UGT1A8: variants seen among roughly 807,000 people sequenced by gnomAD.
The protein encoded by UGT1A8 is UDP-glucuronosyltransferase 1A8.
UGT1A8 carries 39 observed loss-of-function variants against 45.3 expected under a neutral mutation model. That is an observed-to-expected ratio of 0.86 (90% confidence interval 0.67 to 1.12). The LOEUF (loss-of-function observed/expected upper bound fraction) is 1.12. UGT1A8 is among the 50% of genes most tolerant of loss of function. The pLI is 0.00. For synonymous variants in UGT1A8, 275 were observed against 249.2 expected, an observed-to-expected ratio of 1.10 and a Z score of -0.97; for missense variants, 719 against 664.9, an observed-to-expected ratio of 1.08 and a Z score of -0.90.
chr2:233,652,028 G>C (rs933150824), intron 1 of UGT1A8, among the ~76,000 whole-genome samples: 6 of 152,094 alleles, frequency 3.9e-5, no homozygotes, highest in African/African-American at 1.4e-4. Flanking sequence ...GGCTTTTTTA[G>C]TTTTTGGTGA....
intron 1 of UGT1A8, among the ~76,000 whole-genome samples, chr2:233,744,652 A>G (rs754395729): frequency 1.6e-4 from 24 of 151,892 alleles, no homozygotes; most frequent in Non-Finnish European, 2.8e-4. Flanking sequence ...TCTGTATTCA[A>G]TCTACTGTGA....
intron 1 of UGT1A8, among the ~76,000 whole-genome samples, chr2:233,627,441 T>A (rs1200916863): frequency 6.6e-6 from 1 of 152,090 alleles, no homozygotes; most frequent in Non-Finnish European, 1.5e-5. Context: ...ATATAATGAC[T>A]TTGCATTTTC....
intron 1 of UGT1A8, chr2:233,693,807 T>C (rs1404347654): frequency 6.2e-7 from 1 of 1,614,252 alleles, no homozygotes; most frequent in African/African-American, 1.3e-5. Flanking sequence ...AGGCCGGTCA[T>C]GCCCAACATG....
At chr2:233,703,396 A>T (rs890785846) in intron 1 of UGT1A8, among the ~76,000 whole-genome samples, 1 of 151,974 alleles carries the variant, frequency 6.6e-6, no homozygotes, top group African/African-American at 2.4e-5. Context: ...TCAAATAAAC[A>T]ATTTTGGTTT....
At chr2:233,703,805 ATCTCTG>A in intron 1 of UGT1A8, among the ~76,000 whole-genome samples, 1 of 137,048 alleles carries the variant, frequency 7.3e-6, no homozygotes, top group East Asian at 1.9e-4. Context: ...CAGTCTGATA[ATCTCTG>A]TCTTTTAATT....
chr2:233,630,350 A>G (rs2073164786), intron 1 of UGT1A8, among the ~76,000 whole-genome samples: 1 of 152,160 alleles, frequency 6.6e-6, no homozygotes, highest in South Asian at 2.1e-4. Flanking sequence ...GGTTGTCTGC[A>G]GAATCTCTCA....
At chr2:233,640,300 A>G (rs2073417144) in intron 1 of UGT1A8, among the ~76,000 whole-genome samples, 1 of 152,004 alleles carries the variant, frequency 6.6e-6, no homozygotes, top group African/African-American at 2.4e-5. Context: ...TAATTCATCT[A>G]TCCCCTTATT....
chr2:233,713,287 C>G (rs28946880), intron 1 of UGT1A8: 2 of 1,614,230 alleles, frequency 1.2e-6, no homozygotes, highest in Non-Finnish European at 1.7e-6. Flanking sequence ...CACACTCAAT[C>G]GTTCTTTGAA....
At chr2:233,683,169 C>T (rs749915712) in intron 1 of UGT1A8, among the ~76,000 whole-genome samples, 7 of 151,982 alleles carry the variant, frequency 4.6e-5, no homozygotes, top group South Asian at 2.1e-4. Context: ...TGAAATTATA[C>T]TATGTATATG....
At chr2:233,641,479 TTTAG>T (rs2073450587) in intron 1 of UGT1A8, among the ~76,000 whole-genome samples, 1 of 152,200 alleles carries the variant, frequency 6.6e-6, no homozygotes, top group Non-Finnish European at 1.5e-5. Flanking sequence ...TAAAAAGTTG[TTTAG>T]TTATTATTTT....
chr2:233,647,236 C>T (rs191887176), intron 1 of UGT1A8, among the ~76,000 whole-genome samples: 5 of 152,296 alleles, frequency 3.3e-5, no homozygotes, highest in Admixed American at 3.3e-4. Context: ...AGTTCCAATT[C>T]AAGATGAGCT....
intron 1 of UGT1A8, chr2:233,718,874 C>A: frequency 6.2e-7 from 1 of 1,613,892 alleles, no homozygotes; most frequent in Non-Finnish European, 8.5e-7. Flanking sequence ...GACTGCTGCT[C>A]CTCCTCAGTG....
intron 1 of UGT1A8, among the ~76,000 whole-genome samples, chr2:233,761,373 T>G (rs1041958865): frequency 6.6e-6 from 1 of 152,254 alleles, no homozygotes; most frequent in Middle Eastern, 3.2e-3. Context: ...TTGGACATTT[T>G]ACTCTGTGTG....
At chr2:233,721,815 AC>A in intron 1 of UGT1A8, 1 of 515,300 alleles carries the variant, frequency 1.9e-6, no homozygotes. Context: ...AAAATCCAGC[AC>A]CCTATTTGGG....
intron 1 of UGT1A8, among the ~76,000 whole-genome samples, chr2:233,696,194 C>G (rs943061059): frequency 6.6e-6 from 1 of 152,176 alleles, no homozygotes; most frequent in Non-Finnish European, 1.5e-5. Context: ...TATCTGCACT[C>G]CCATGTTTAT....
At chr2:233,764,035 A>G (rs1459516650) in intron 1 of UGT1A8, among the ~76,000 whole-genome samples, 2 of 152,226 alleles carry the variant, frequency 1.3e-5, no homozygotes, top group Non-Finnish European at 2.9e-5. Context: ...GTGCTAAAGA[A>G]GAATTCTGGG....
At chr2:233,754,961 G>A (rs760905245) in intron 1 of UGT1A8, 13 of 1,310,256 alleles carry the variant, frequency 9.9e-6, no homozygotes, top group Admixed American at 9.5e-5. Flanking sequence ...GGCCGCCAAA[G>A]AACTCCCTGA....
intron 1 of UGT1A8, among the ~76,000 whole-genome samples, chr2:233,643,166 G>A (rs1223566331): frequency 6.6e-6 from 1 of 152,222 alleles, no homozygotes; most frequent in African/African-American, 2.4e-5. Flanking sequence ...CCCTGGGTGG[G>A]TCCAGAAGTG....
rs1357071651 is a variant in UGT1A8, at chr2:233,768,553, A to G, written c.1295+114A>G. The G allele has an allele frequency of 2.0e-6, 3 of 1,477,264 alleles. No individual in the cohort carries two copies. The Admixed American group carries it at 8.1e-5, about 40-fold the overall frequency. 91.5% of individuals were successfully genotyped at this position (1,477,264 alleles called of 1,614,324 possible). A position where few individuals can be genotyped will look rare whatever the true frequency, so the allele number is the denominator to read the frequency against. On this transcript the variant is annotated intron_variant, in intron 4 of 4. Coordinates refer to ENST00000373450, the MANE Select transcript of UGT1A8 (RefSeq NM_019076.5). ...AGCGTTGTTTCAAATATAAAAACAA[A>G]TACATAAAAATCTGGATTTTTATTT...
Sources: allele counts gnomAD v4.1 joint callset (sites outside exome capture counted in the v4.1 genomes callset), GRCh38; gene constraint gnomAD v4.1.1; transcripts MANE v1.5; gene names NCBI Gene and HGNC (gene_info 2026-07-23, HGNC 2026-07-21).